Variants in XRCC4 observed in about 807,000 individuals in gnomAD.
XRCC4 encodes DNA repair protein XRCC4.
A neutral mutation model predicts 39.1 loss-of-function variants in XRCC4; 28 were observed. That is an observed-to-expected ratio of 0.72 (90% CI 0.53 to 0.98). The LOEUF (loss-of-function observed/expected upper bound fraction) is 0.98, where lower values mean the gene tolerates loss of function less well. XRCC4 is among the 50% of genes least tolerant of loss of function. The pLI is 0.00. For missense variants in XRCC4, 350 were observed against 376.4 expected, an observed-to-expected ratio of 0.93 and a Z score of 0.58; for synonymous variants, 123 against 126.4, an observed-to-expected ratio of 0.97 and a Z score of 0.18.
At chr5:83,349,526 A>G (rs1200142986) in intron 7 of XRCC4, among the ~76,000 whole-genome samples, 2 of 152,234 alleles carry the variant, frequency 1.3e-5, no homozygotes, top group Non-Finnish European at 2.9e-5. Flanking sequence ...ATGACTAGGC[A>G]CTATGAACAG....
At chr5:83,150,504 C>T (rs576386631) in intron 3 of XRCC4, among the ~76,000 whole-genome samples, 1 of 152,082 alleles carries the variant, frequency 6.6e-6, no homozygotes, top group South Asian at 2.1e-4. Context: ...ACTAACTGCT[C>T]AATTAAGAAA....
At chr5:83,374,406 A>G in the XRCC4 span, among the ~76,000 whole-genome samples, 1 of 152,194 alleles carries the variant, frequency 6.6e-6, no homozygotes, top group African/African-American at 2.4e-5. Context: ...GCCTTCTGCC[A>G]TGATTGTGAG....
intron 1 of XRCC4, among the ~76,000 whole-genome samples, chr5:83,082,048 A>G (rs1360357854): frequency 6.6e-6 from 1 of 151,986 alleles, no homozygotes; most frequent in Non-Finnish European, 1.5e-5. Context: ...TCTATGAAAT[A>G]TATCTAGAAT....
At chr5:83,293,223 A>G (rs907172813) in intron 7 of XRCC4, among the ~76,000 whole-genome samples, 2 of 151,856 alleles carry the variant, frequency 1.3e-5, no homozygotes, top group African/African-American at 2.4e-5. Flanking sequence ...TATTTCTCTT[A>G]TGTATCACCA....
At chr5:83,282,383 A>G (rs1754574378) in intron 7 of XRCC4, among the ~76,000 whole-genome samples, 1 of 152,212 alleles carries the variant, frequency 6.6e-6, no homozygotes, top group South Asian at 2.1e-4. Flanking sequence ...GTTTTTAGAC[A>G]GTACTTCTTA....
chr5:83,178,973 C>A (rs72767173), intron 3 of XRCC4, among the ~76,000 whole-genome samples: 3 of 152,128 alleles, frequency 2.0e-5, no homozygotes, highest in Non-Finnish European at 2.9e-5. Context: ...ATTCCCCTTG[C>A]GTGGCTAGCT....
At chr5:83,114,865 G>A (rs914028693) in intron 3 of XRCC4, among the ~76,000 whole-genome samples, 2 of 152,066 alleles carry the variant, frequency 1.3e-5, no homozygotes, top group Non-Finnish European at 2.9e-5. Flanking sequence ...AGACATACCC[G>A]AGGCTGGGTA....
rs375657910 is a variant in XRCC4, at chr5:83,310,426, G to A, written c.894-42705G>A. ...AGGATGGGCCAGATATGGAGAGGGT[G>A]ATCAAGAAAAAGAGCCTCCTGGCAG... On this transcript the variant is annotated intron_variant, in intron 7 of 7. Transcript: ENST00000396027. Among the ~76,000 whole-genome samples the A allele has an allele frequency of 1.5e-4, 23 of 152,176 alleles. No homozygotes were observed. The East Asian group carries it at 2.1e-3, about 14-fold the overall frequency.
intron 1 of XRCC4, among the ~76,000 whole-genome samples, chr5:83,086,673 T>C (rs1408455801): frequency 6.6e-6 from 1 of 152,098 alleles, no homozygotes; most frequent in Non-Finnish European, 1.5e-5. Context: ...GGTGTAACTT[T>C]TATTGAGAAA....
intron 7 of XRCC4, among the ~76,000 whole-genome samples, chr5:83,273,230 G>C (rs1050946680): frequency 6.6e-6 from 1 of 152,152 alleles, no homozygotes; most frequent in Admixed American, 6.5e-5. Flanking sequence ...CTTCTTTTGA[G>C]AAGTGTCTGT....
intron 1 of XRCC4, among the ~76,000 whole-genome samples, chr5:83,097,242 TG>T (rs113534212): frequency 0.042 from 6,454 of 152,292 alleles, 421 homozygotes; most frequent in African/African-American, 0.14. Flanking sequence ...TTATTTGAAC[TG>T]TATGAAATTG....
At chr5:83,367,755 A>T in the XRCC4 span, among the ~76,000 whole-genome samples, 1 of 142,340 alleles carries the variant, frequency 7.0e-6, no homozygotes, top group African/African-American at 2.6e-5. Flanking sequence ...TACCCAGCTA[A>T]TTTTTTTTTT....
intron 3 of XRCC4, among the ~76,000 whole-genome samples, chr5:83,142,271 C>T (rs1414133819): frequency 6.6e-6 from 1 of 150,556 alleles, no homozygotes; most frequent in Non-Finnish European, 1.5e-5. Context: ...CCAGTAGGTC[C>T]TGTTACCATT....
intron 3 of XRCC4, among the ~76,000 whole-genome samples, chr5:83,179,041 C>T (rs1750087032): frequency 6.6e-6 from 1 of 152,312 alleles, no homozygotes; most frequent in South Asian, 2.1e-4. Flanking sequence ...AATAGATTGA[C>T]CTGCCATGTA....
intron 3 of XRCC4, among the ~76,000 whole-genome samples, chr5:83,193,348 T>A (rs1368520251): frequency 1.3e-5 from 2 of 152,214 alleles, no homozygotes; most frequent in African/African-American, 4.8e-5. Flanking sequence ...TTTTAGTTTA[T>A]TTTTATTCTG....
At chr5:83,328,171 A>G (rs534917925) in intron 7 of XRCC4, among the ~76,000 whole-genome samples, 7 of 152,080 alleles carry the variant, frequency 4.6e-5, no homozygotes, top group Non-Finnish European at 7.4e-5. Flanking sequence ...TGATAAACCC[A>G]TCAGATCTTG....
intron 3 of XRCC4, among the ~76,000 whole-genome samples, chr5:83,172,152 A>T (rs1256154791): frequency 6.6e-6 from 1 of 152,084 alleles, no homozygotes; most frequent in African/African-American, 2.4e-5. Flanking sequence ...TCATTCTTTC[A>T]TAGGAGTTTG....
intron 6 of XRCC4, among the ~76,000 whole-genome samples, chr5:83,243,041 C>G (rs1752973330): frequency 2.0e-5 from 3 of 152,088 alleles, no homozygotes; most frequent in African/African-American, 7.2e-5. Context: ...GTTTTTTTCT[C>G]TCTCTCGACA....
chr5:83,079,856 C>G (rs1744856710), intron 1 of XRCC4, among the ~76,000 whole-genome samples: 1 of 152,072 alleles, frequency 6.6e-6, no homozygotes, highest in South Asian at 2.1e-4. Flanking sequence ...AAAGTATTAT[C>G]TCACCTGCAT....
Sources: gnomAD v4.1 joint callset for allele counts (sites outside exome capture counted in the v4.1 genomes callset) on GRCh38, gnomAD v4.1.1 for gene constraint, MANE v1.5 for transcripts, NCBI Gene and HGNC (gene_info 2026-07-23, HGNC 2026-07-21) for gene names.